The following LRRC1 variants were observed in gnomAD, a reference collection of about 807,000 sequenced individuals.
LRRC1 encodes the protein leucine rich repeat containing 1.
Under a neutral mutation model 69.9 loss-of-function variants are expected in LRRC1, and 28 were observed. The ratio of observed to expected loss-of-function variants is 0.40; its 90% CI spans 0.30 to 0.55. LRRC1 has a LOEUF of 0.55. Ranked by LOEUF, LRRC1 falls within the 20% of genes least tolerant of loss-of-function variation. The pLI, the probability that LRRC1 is intolerant of heterozygous loss-of-function variation, is 0.47. For synonymous variants in LRRC1, 236 were observed against 240.2 expected (o/e 0.98, Z 0.16); for missense variants, 498 against 609.0 (o/e 0.82, Z 1.92).
In LRRC1 at chr6:53,879,145, C is replaced by T. The variant is rs533099654; in HGVS notation, c.356+74C>T. The T allele has an allele frequency of 2.3e-5, 23 of 980,340 alleles. No homozygotes were observed. In the African/African-American group the frequency reaches 3.7e-4, roughly 16 times the overall value. The allele number at this position is 980,340 out of a possible 1,614,324, so 60.7% of individuals were successfully genotyped here. A position where few individuals can be genotyped will look rare whatever the true frequency, so the allele number is the denominator to read the frequency against. On this transcript the variant is annotated intron_variant, in intron 3 of 13. Transcript: ENST00000370888. ...TTGAGAGCCAAGCGGAGAACACAGT[C>T]AGGTTAACCATCTTGGAGGTACCTA...
intron 4 of LRRC1, among the ~76,000 whole-genome samples, chr6:53,891,464 G>A (rs908954395): frequency 6.6e-6 from 1 of 151,554 alleles, no homozygotes; most frequent in African/African-American, 2.4e-5. Flanking sequence ...AAAAAATCTG[G>A]TAAGTGAGGA....
chr6:53,863,101 T>C (rs1766584838), intron 2 of LRRC1, among the ~76,000 whole-genome samples: 1 of 152,258 alleles, frequency 6.6e-6, no homozygotes, highest in South Asian at 2.1e-4. Flanking sequence ...TACTACAGCC[T>C]GTCAGCATCT....
intron 2 of LRRC1, among the ~76,000 whole-genome samples, chr6:53,860,513 A>G (rs574169176): frequency 1.5e-4 from 19 of 127,000 alleles, no homozygotes; most frequent in Middle Eastern, 3.7e-3. Context: ...TGCTTTTTGT[A>G]CTCCATTTTC....
intron 10 of LRRC1, among the ~76,000 whole-genome samples, chr6:53,910,424 G>T (rs756245122): frequency 6.6e-6 from 1 of 152,186 alleles, no homozygotes; most frequent in African/African-American, 2.4e-5. Flanking sequence ...TGAATGATGT[G>T]TATAATGTCA....
intron 2 of LRRC1, among the ~76,000 whole-genome samples, chr6:53,846,826 A>G (rs981226932): frequency 4.6e-5 from 7 of 152,188 alleles, no homozygotes; most frequent in Non-Finnish European, 7.4e-5. Context: ...CTAACTGATT[A>G]TTAGCTGCTT....
At chr6:53,873,910 A>G (rs1045399956) in intron 2 of LRRC1, among the ~76,000 whole-genome samples, 7 of 152,236 alleles carry the variant, frequency 4.6e-5, no homozygotes, top group Admixed American at 2.0e-4. Flanking sequence ...GTGCTGAGAT[A>G]ATGAGGCATC....
At chr6:53,838,586 G>C (rs1765677391) in intron 1 of LRRC1, among the ~76,000 whole-genome samples, 1 of 152,150 alleles carries the variant, frequency 6.6e-6, no homozygotes, top group African/African-American at 2.4e-5. Flanking sequence ...TTTCATGCTT[G>C]AGTAAACACA....
intron 9 of LRRC1, among the ~76,000 whole-genome samples, chr6:53,903,558 C>T (rs926489957): frequency 2.0e-5 from 3 of 150,212 alleles, no homozygotes; most frequent in African/African-American, 7.3e-5. Context: ...CTCTCTTTTC[C>T]CTTTTCCTTT....
chr6:53,876,653 C>T (rs1313759683), intron 2 of LRRC1, among the ~76,000 whole-genome samples: 4 of 152,190 alleles, frequency 2.6e-5, no homozygotes, highest in African/African-American at 9.7e-5. Context: ...AGGCCCCATA[C>T]AAGTCTGAAA....
At chr6:53,823,480 A>G (rs1421234306) in intron 1 of LRRC1, among the ~76,000 whole-genome samples, 2 of 152,174 alleles carry the variant, frequency 1.3e-5, no homozygotes, top group African/African-American at 4.8e-5. Flanking sequence ...AGGGACTGTA[A>G]CATCATGTTT....
At chr6:53,837,340 T>C (rs1368223373) in intron 1 of LRRC1, among the ~76,000 whole-genome samples, 2 of 152,184 alleles carry the variant, frequency 1.3e-5, no homozygotes, top group East Asian at 3.9e-4. Flanking sequence ...CTGTGCATCT[T>C]ACCTTGAGAT....
At chr6:53,847,001 C>T (rs1451327095) in intron 2 of LRRC1, among the ~76,000 whole-genome samples, 1 of 152,216 alleles carries the variant, frequency 6.6e-6, no homozygotes, top group Non-Finnish European at 1.5e-5. Flanking sequence ...CATCACAGTA[C>T]TATGTCATTA....
At chr6:53,879,102 C>G (rs1478931187) in intron 3 of LRRC1, 31 bp downstream of exon 3, 1 of 1,493,602 alleles carries the variant, frequency 6.7e-7, no homozygotes, top group African/African-American at 1.4e-5. Flanking sequence ...TCTGTCTATA[C>G]TAGTAAGAGT....
At chr6:53,882,206 G>T (rs1767314033) in intron 3 of LRRC1, among the ~76,000 whole-genome samples, 1 of 152,110 alleles carries the variant, frequency 6.6e-6, no homozygotes, top group Non-Finnish European at 1.5e-5. Context: ...AAATTATCTG[G>T]GCGTGGTGGC....
intron 1 of LRRC1, among the ~76,000 whole-genome samples, chr6:53,838,083 G>C (rs907897246): frequency 6.6e-6 from 1 of 152,192 alleles, no homozygotes; most frequent in African/African-American, 2.4e-5. Flanking sequence ...TCAAAGGCAA[G>C]GCAGAAGGGT....
intron 4 of LRRC1, among the ~76,000 whole-genome samples, chr6:53,886,636 A>G (rs1767489371): frequency 6.6e-6 from 1 of 152,164 alleles, no homozygotes; most frequent in Non-Finnish European, 1.5e-5. Flanking sequence ...GTATTCATTC[A>G]TTCATTTTCC....
chr6:53,795,434 C>G lies in LRRC1; in HGVS notation c.159+19C>G. The stretch of plus-strand genomic sequence containing the variant: ...GCCCGAGGTAAGGGTCCGGCCTCAC[C>G]TGAGCGCTCTGCCCGCTCGTCTGCT... On this transcript the variant is annotated intron_variant, in intron 1 of 13. Transcript: ENST00000370888. The G allele has an allele frequency of 1.3e-6, 2 of 1,599,904 alleles. No homozygotes were observed. Among genetic ancestry groups the G allele is most frequent in the Non-Finnish European group, 1.7e-6 (2 of 1,175,804 alleles).
chr6:53,866,315 A>G (rs1766701572), intron 2 of LRRC1, among the ~76,000 whole-genome samples: 2 of 152,182 alleles, frequency 1.3e-5, no homozygotes, highest in Non-Finnish European at 2.9e-5. Flanking sequence ...TTTCACAAGG[A>G]AACAGAAGCC....
intron 2 of LRRC1, among the ~76,000 whole-genome samples, chr6:53,860,867 C>T (rs1263866112): frequency 1.3e-5 from 2 of 152,136 alleles, no homozygotes; most frequent in Non-Finnish European, 2.9e-5. Context: ...AGATACCACA[C>T]TAAAATGGGC....
Sources: gnomAD v4.1 joint callset for allele counts (sites outside exome capture counted in the v4.1 genomes callset) on GRCh38, gnomAD v4.1.1 for gene constraint, MANE v1.5 for transcripts, NCBI Gene and HGNC (gene_info 2026-07-23, HGNC 2026-07-21) for gene names.